Variants in NTN1 observed in about 807,000 individuals in gnomAD.
NTN1 encodes netrin-1.
In NTN1, 11 loss-of-function variants were observed where a neutral mutation model predicts 54.2. That is an observed-to-expected ratio of 0.20 (90% CI 0.13 to 0.34). The LOEUF (loss-of-function observed/expected upper bound fraction) is 0.34, where lower values mean the gene tolerates loss of function less well. NTN1 is among the 10% of genes least tolerant of loss of function. The pLI is 1.00. For synonymous variants in NTN1, 371 were observed against 382.0 expected (o/e 0.97, Z 0.33); for missense variants, 740 against 893.1 (o/e 0.83, Z 2.18).
intron 2 of NTN1, among the ~76,000 whole-genome samples, chr17:9,156,238 G>GTT (rs11327966): frequency 5.7e-4 from 81 of 141,912 alleles, no homozygotes; most frequent in Admixed American, 7.7e-4. Context: ...GCGTGAGTTG[G>GTT]TTTTTTTTTT....
intron 3 of NTN1, among the ~76,000 whole-genome samples, chr17:9,163,467 T>TC (rs200791264): frequency 1.9e-4 from 23 of 118,228 alleles, no homozygotes; most frequent in Non-Finnish European, 2.7e-4. Context: ...CGCCCCTCAC[T>TC]CCCCCCCGAA....
At chr17:9,037,580 G>A (rs2091907320) in intron 2 of NTN1, among the ~76,000 whole-genome samples, 1 of 152,150 alleles carries the variant, frequency 6.6e-6, no homozygotes, top group Non-Finnish European at 1.5e-5. Flanking sequence ...TATCAAATGA[G>A]GAGTATGTAC....
chr17:9,073,709 A>T (rs564650457), intron 2 of NTN1, among the ~76,000 whole-genome samples: 1 of 152,254 alleles, frequency 6.6e-6, no homozygotes, highest in South Asian at 2.1e-4. Flanking sequence ...TTGAAGAGAG[A>T]ATATGGGAAT....
intron 5 of NTN1, among the ~76,000 whole-genome samples, chr17:9,191,237 G>A (rs1019226506): frequency 7.9e-5 from 12 of 152,190 alleles, no homozygotes; most frequent in Non-Finnish European, 2.9e-5. Flanking sequence ...GAGGCAGGCG[G>A]ATCATCTGAG....
intron 5 of NTN1, among the ~76,000 whole-genome samples, chr17:9,194,273 A>G (rs1368474978): frequency 6.6e-6 from 1 of 151,692 alleles, no homozygotes; most frequent in Admixed American, 6.6e-5. Flanking sequence ...TATATGAAGG[A>G]CTCTATTTAG....
intron 2 of NTN1, among the ~76,000 whole-genome samples, chr17:9,067,511 C>T (rs11871133): frequency 0.057 from 8,654 of 152,162 alleles, 824 homozygotes; most frequent in African/African-American, 0.2. Flanking sequence ...CTTAAATGCA[C>T]CCGGGATACA....
the NTN1 span, among the ~76,000 whole-genome samples, chr17:9,003,592 G>C: frequency 2.7e-5 from 4 of 148,486 alleles, no homozygotes; most frequent in Admixed American, 6.7e-5. This position sits in a 1 kb window ranked among gnomAD's most constrained non-coding sequence, Gnocchi z 7.4. Context: ...AGCCAGCCCC[G>C]GCCCTGCCGC....
chr17:9,210,905 G>GAAAAAAAAAAAAAAAAAAA (rs58541910), intron 5 of NTN1, among the ~76,000 whole-genome samples: 1 of 23,486 alleles, frequency 4.3e-5, no homozygotes, highest in Non-Finnish European at 6.9e-5. Context: ...GACTCCATCT[G>GAAAAAAAAAAAAAAAAAAA]AAAAAAAAAA....
intron 2 of NTN1, among the ~76,000 whole-genome samples, chr17:9,116,409 C>T (rs2092212602): frequency 7.0e-6 from 1 of 143,324 alleles, no homozygotes. Context: ...TGGGTGATTT[C>T]TAGAGTCTCT....
intron 2 of NTN1, among the ~76,000 whole-genome samples, chr17:9,111,930 C>T (rs1360776027): frequency 6.6e-6 from 1 of 152,206 alleles, no homozygotes; most frequent in African/African-American, 2.4e-5. Context: ...CCACACAATT[C>T]AAACCCATGT....
intron 5 of NTN1, among the ~76,000 whole-genome samples, chr17:9,191,682 T>C (rs1368820346): frequency 6.6e-6 from 1 of 152,066 alleles, no homozygotes; most frequent in African/African-American, 2.4e-5. Flanking sequence ...GCAATATGCA[T>C]AGGAAGCATT....
At chr17:9,101,722 CCCAGTGTGGTGGCTCACA>C (rs1321266361) in intron 2 of NTN1, among the ~76,000 whole-genome samples, 1 of 152,156 alleles carries the variant, frequency 6.6e-6, no homozygotes, top group Admixed American at 6.5e-5. Flanking sequence ...TAAGGGGTGG[CCCAGTGTGGTGGCTCACA>C]CCAGCACTTT....
At chr17:9,199,296 C>T (rs937454507) in intron 5 of NTN1, among the ~76,000 whole-genome samples, 8 of 152,218 alleles carry the variant, frequency 5.3e-5, no homozygotes, top group African/African-American at 1.7e-4. Context: ...GCACCCACCA[C>T]CACGCCCAGC....
intron 5 of NTN1, among the ~76,000 whole-genome samples, chr17:9,218,900 G>A (rs1335185780): frequency 1.4e-5 from 2 of 146,894 alleles, no homozygotes; most frequent in Non-Finnish European, 3.0e-5. Context: ...GCTGGTGTGG[G>A]ATGATGGCTT....
intron 2 of NTN1, among the ~76,000 whole-genome samples, chr17:9,082,590 C>G (rs967016431): frequency 6.6e-6 from 1 of 152,142 alleles, no homozygotes; most frequent in Non-Finnish European, 1.5e-5. Flanking sequence ...AGTGTGGGGC[C>G]GTGAGCAGCG....
upstream of NTN1, among the ~76,000 whole-genome samples, chr17:9,018,402 C>T (rs568025943): frequency 1.6e-3 from 248 of 152,056 alleles, 1 homozygote; most frequent in African/African-American, 5.7e-3. Flanking sequence ...GAGGCCGAGG[C>T]GGGCAGATCA....
the NTN1 span, among the ~76,000 whole-genome samples, chr17:9,016,097 A>AC: frequency 6.6e-6 from 1 of 151,744 alleles, no homozygotes; most frequent in Non-Finnish European, 1.5e-5. Context: ...AAACAAAAAA[A>AC]CCCCCACAAA....
At chr17:9,222,029 C>T (rs925006552) in intron 6 of NTN1, among the ~76,000 whole-genome samples, 3 of 152,218 alleles carry the variant, frequency 2.0e-5, no homozygotes, top group Admixed American at 6.5e-5. Context: ...ACTGGCAAGG[C>T]CCCCGCATAC....
In NTN1 at chr17:9,219,318, C is replaced by T. The variant is rs1597544425; in HGVS notation, c.1412-1850C>T. On this transcript the variant is annotated intron_variant, in intron 5 of 6. Coordinates refer to ENST00000173229, the MANE Select transcript of NTN1 (RefSeq NM_004822.3). The surrounding 1 kb of genome is among the most constrained non-coding windows in gnomAD (Gnocchi z 4.5). ...CCCTGCACCCCAAGAAATCCCTACT[C>T]TAGTAACCAAGCTGCTATCCAGATG... is the stretch of plus-strand genomic sequence containing the variant. 6.6e-6 allele frequency among the ~76,000 whole-genome samples: 1 copy of T among 152,198 alleles called. No homozygotes were observed. Among genetic ancestry groups the T allele is most frequent in the South Asian group, 2.1e-4 (1 of 4,838 alleles).
Sources: allele counts gnomAD v4.1 joint callset (sites outside exome capture counted in the v4.1 genomes callset), GRCh38; gene constraint gnomAD v4.1.1; non-coding constraint Gnocchi (gnomAD v3.1); transcripts MANE v1.5; gene names NCBI Gene and HGNC (gene_info 2026-07-23, HGNC 2026-07-21).